CYSTM1: variants seen among roughly 807,000 people sequenced by gnomAD.
CYSTM1 encodes the protein cysteine rich transmembrane module containing 1.
A neutral mutation model predicts 13.1 loss-of-function variants in CYSTM1; 4 were observed. The observed-to-expected ratio is 0.31, with a 90% CI of 0.15 to 0.70. The LOEUF (loss-of-function observed/expected upper bound fraction) is 0.70. Among genes scored for constraint, CYSTM1 ranks in the 30% least tolerant of loss-of-function variants. The probability of loss-of-function intolerance (pLI) is 0.72; values close to 1 mark genes in which losing one functional copy is unlikely to be tolerated. For missense variants in CYSTM1, 96 were observed against 121.6 expected (o/e 0.79, Z 0.99); for synonymous variants, 36 against 42.7 (o/e 0.84, Z 0.62).
intron 2 of CYSTM1, among the ~76,000 whole-genome samples, chr5:140,210,900 A>G (rs1306370929): frequency 6.6e-6 from 1 of 152,202 alleles, no homozygotes; most frequent in Non-Finnish European, 1.5e-5. Flanking sequence ...TGAAAAATAC[A>G]TGACTTTTTC....
intron 1 of CYSTM1, among the ~76,000 whole-genome samples, chr5:140,176,160 T>C (rs1327840278): frequency 3.9e-5 from 6 of 151,942 alleles, no homozygotes; most frequent in East Asian, 1.9e-4. Context: ...CATTGAAACG[T>C]TGGCTAGATT....
At chr5:140,216,141 CA>C (rs796954980) in intron 2 of CYSTM1, among the ~76,000 whole-genome samples, 20 of 144,196 alleles carry the variant, frequency 1.4e-4, no homozygotes, top group East Asian at 2.0e-4. Context: ...GACCCTGTCT[CA>C]AAAAAAAAAA....
chr5:140,197,298 T>C (rs1764170030), intron 2 of CYSTM1, among the ~76,000 whole-genome samples: 1 of 152,252 alleles, frequency 6.6e-6, no homozygotes, highest in Non-Finnish European at 1.5e-5. Flanking sequence ...TCAGCCTTTT[T>C]GATGAAAAAT....
At chr5:140,191,658 T>A (rs892805079) in intron 1 of CYSTM1, among the ~76,000 whole-genome samples, 1 of 152,228 alleles carries the variant, frequency 6.6e-6, no homozygotes, top group African/African-American at 2.4e-5. Flanking sequence ...AGGTCCAGAC[T>A]TTGCTAGAGT....
chr5:140,235,740 T>TG (rs1471849622), intron 2 of CYSTM1, among the ~76,000 whole-genome samples: 1 of 152,214 alleles, frequency 6.6e-6, no homozygotes, highest in Non-Finnish European at 1.5e-5. Context: ...AAGTGTATTT[T>TG]GGGGCTTCTC....
intron 2 of CYSTM1, among the ~76,000 whole-genome samples, chr5:140,237,527 A>G (rs1460864463): frequency 6.6e-6 from 1 of 152,186 alleles, no homozygotes; most frequent in Non-Finnish European, 1.5e-5. Context: ...GGACTGGCCA[A>G]GGTGGTCCCC....
Position 140,185,505 on chromosome 5 carries a change from G to C in CYSTM1, c.-20-8941G>C, listed in dbSNP as rs73254732. Among the ~76,000 whole-genome samples, 1,449 of 152,306 alleles carry C rather than the reference G, an allele frequency of 9.5e-3. 17 individuals carry two copies. Among genetic ancestry groups the C allele is most frequent in the African/African-American group, 0.031 (1,271 of 41,562 alleles). ...CAGAATCAGTATTTGGACAATAATG[G>C]AGTAATACTGCAGGTTGTCTTCCTC... On this transcript the variant is annotated intron_variant, in intron 1 of 2. Transcript: ENST00000261811.
intron 1 of CYSTM1, among the ~76,000 whole-genome samples, chr5:140,182,186 A>G (rs911210320): frequency 6.6e-6 from 1 of 152,228 alleles, no homozygotes; most frequent in Non-Finnish European, 1.5e-5. Flanking sequence ...TTGTTTGTCC[A>G]TGTTCCCCAA....
At chr5:140,220,242 A>T (rs971300329) in intron 2 of CYSTM1, among the ~76,000 whole-genome samples, 4 of 152,164 alleles carry the variant, frequency 2.6e-5, no homozygotes, top group Non-Finnish European at 5.9e-5. Flanking sequence ...CCACGGTTCC[A>T]TCCTGAGGGC....
intron 2 of CYSTM1, among the ~76,000 whole-genome samples, chr5:140,216,012 C>T (rs925092525): frequency 5.3e-5 from 8 of 151,952 alleles, no homozygotes; most frequent in Non-Finnish European, 1.2e-4. Context: ...CATGGTGGCA[C>T]GTGCCTGTAG....
At chr5:140,233,377 C>T (rs1271230796) in intron 2 of CYSTM1, among the ~76,000 whole-genome samples, 1 of 152,116 alleles carries the variant, frequency 6.6e-6, no homozygotes. Flanking sequence ...TTAGAGGTAC[C>T]CCAGTTATTC....
At chr5:140,208,703 A>G (rs1764327197) in intron 2 of CYSTM1, among the ~76,000 whole-genome samples, 1 of 152,170 alleles carries the variant, frequency 6.6e-6, no homozygotes, top group Admixed American at 6.5e-5. Context: ...TACACCTACT[A>G]TGTACCCACA....
At chr5:140,197,532 C>T (rs1383862641) in intron 2 of CYSTM1, among the ~76,000 whole-genome samples, 3 of 152,154 alleles carry the variant, frequency 2.0e-5, no homozygotes, top group Non-Finnish European at 4.4e-5. Context: ...ACCTGGGGTC[C>T]ATGTTCTGTG....
Position 140,243,323 on chromosome 5 carries a change from AAAG to A in CYSTM1, c.211_213del (p.Arg71del), listed in dbSNP as rs1344243793. 1.2e-6 allele frequency: 2 copies of A among 1,614,112 alleles called. No homozygotes were observed. Among genetic ancestry groups the A allele is most frequent in the African/African-American group, 1.3e-5 (1 of 75,058 alleles). On this transcript the variant is annotated inframe_deletion, in exon 3 of 3. Coordinates refer to ENST00000261811, the MANE Select transcript of CYSTM1 (RefSeq NM_032412.4). ...CCTCCAGTGTATGTGGTAGAAGACC[AAAG>A]AAGAGATGAGCTAGGACCATCCACC... is the stretch of plus-strand genomic sequence containing the variant.
chr5:140,238,462 C>T (rs1395381728), intron 2 of CYSTM1, among the ~76,000 whole-genome samples: 3 of 152,172 alleles, frequency 2.0e-5, no homozygotes, highest in East Asian at 3.8e-4. Context: ...GGTCATCCTT[C>T]GCCCTATCAC....
intron 2 of CYSTM1, among the ~76,000 whole-genome samples, chr5:140,196,995 G>C (rs1764166723): frequency 6.6e-6 from 1 of 152,182 alleles, no homozygotes; most frequent in African/African-American, 2.4e-5. Flanking sequence ...GTACTTTGCT[G>C]TACGTTTTAT....
chr5:140,190,028 C>G (rs1360815401), intron 1 of CYSTM1, among the ~76,000 whole-genome samples: 1 of 152,086 alleles, frequency 6.6e-6, no homozygotes, highest in African/African-American at 2.4e-5. Flanking sequence ...ATTGGAAAGA[C>G]TACCTTTTCT....
intron 2 of CYSTM1, among the ~76,000 whole-genome samples, chr5:140,197,621 G>C (rs750402473): frequency 6.6e-6 from 1 of 152,120 alleles, no homozygotes; most frequent in African/African-American, 2.4e-5. Flanking sequence ...CTTTGGTATT[G>C]CTTGTGGGAT....
At chr5:140,178,311 A>T (rs1472335163) in intron 1 of CYSTM1, among the ~76,000 whole-genome samples, 1 of 152,170 alleles carries the variant, frequency 6.6e-6, no homozygotes, top group Non-Finnish European at 1.5e-5. Context: ...AGAGGCTTAT[A>T]TGAAATTTGA....
Sources: allele counts gnomAD v4.1 joint callset (sites outside exome capture counted in the v4.1 genomes callset), GRCh38; gene constraint gnomAD v4.1.1; transcripts MANE v1.5; gene names NCBI Gene and HGNC (gene_info 2026-07-23, HGNC 2026-07-21).